Variants in UBXN2A observed in about 807,000 individuals in gnomAD.
UBXN2A encodes the protein UBX domain-containing protein 2A.
UBXN2A carries 28 observed loss-of-function variants against 28.4 expected under a neutral mutation model. The observed-to-expected ratio is 0.99, with a 90% CI of 0.73 to 1.35. UBXN2A has a LOEUF of 1.35. Among genes scored for constraint, UBXN2A ranks in the 40% most tolerant of loss-of-function variants. The probability of loss-of-function intolerance (pLI) is 0.00; values close to 1 mark genes in which losing one functional copy is unlikely to be tolerated. For missense variants in UBXN2A, 253 were observed against 297.9 expected, an observed-to-expected ratio of 0.85 and a Z score of 1.11; for synonymous variants, 97 against 103.6, an observed-to-expected ratio of 0.94 and a Z score of 0.39.
At chr2:23,943,962 G>T in intron 1 of UBXN2A, 1 of 446,824 alleles carries the variant, frequency 2.2e-6, no homozygotes. Flanking sequence ...AGAAGAGATG[G>T]AATGGTTCTG....
intron 4 of UBXN2A, among the ~76,000 whole-genome samples, chr2:23,981,476 TAAAAAAAAAAAAAA>T (rs55665209): frequency 0.026 from 765 of 29,024 alleles, 27 homozygotes; most frequent in African/African-American, 0.092. Flanking sequence ...AGCTCCTATC[TAAAAAAAAAAAAAA>T]AAAAAAAAAA....
At chr2:23,939,247 A>C (rs1359097229), upstream of UBXN2A, among the ~76,000 whole-genome samples, 1 of 152,214 alleles carries the variant, frequency 6.6e-6, no homozygotes, top group East Asian at 1.9e-4. Context: ...CTATAAAATA[A>C]AAAACAAATC....
chr2:23,941,667 C>A (rs763287216), intron 1 of UBXN2A, among the ~76,000 whole-genome samples: 1 of 152,040 alleles, frequency 6.6e-6, no homozygotes. Context: ...TAATTTTTTT[C>A]ATTCAAAAAA....
Sources: gnomAD v4.1 joint callset for allele counts (sites outside exome capture counted in the v4.1 genomes callset) on GRCh38, gnomAD v4.1.1 for gene constraint, MANE v1.5 for transcripts, NCBI Gene and HGNC (gene_info 2026-07-23, HGNC 2026-07-21) for gene names.